The following YJU2 variants were observed in gnomAD, a reference collection of about 807,000 sequenced individuals.
YJU2 encodes the protein YJU2 splicing factor homolog.
YJU2 carries 28 observed loss-of-function variants against 39.6 expected under a neutral mutation model. The ratio of observed to expected loss-of-function variants is 0.71; its 90% CI spans 0.52 to 0.97. The LOEUF (loss-of-function observed/expected upper bound fraction) is 0.97. Ranked by LOEUF, YJU2 falls within the 50% of genes least tolerant of loss-of-function variation. The probability of loss-of-function intolerance (pLI) is 0.00; values close to 1 mark genes in which losing one functional copy is unlikely to be tolerated. For synonymous variants in YJU2, 184 were observed against 182.4 expected (o/e 1.01, Z -0.07); for missense variants, 328 against 430.4 (o/e 0.76, Z 2.11).
intron 6 of YJU2, among the ~76,000 whole-genome samples, chr19:4,264,832 T>A (rs1434271977): frequency 6.6e-6 from 1 of 152,122 alleles, no homozygotes; most frequent in African/African-American, 2.4e-5. Context: ...CTTGCTGTGT[T>A]GCCCAGGCTG....
intron 4 of YJU2, 33 bp downstream of exon 4, chr19:4,254,522 G>A (rs367882752): frequency 1.3e-4 from 201 of 1,543,734 alleles, no homozygotes; most frequent in Non-Finnish European, 1.0e-4. Context: ...GTTCATGGGC[G>A]CTGTGTGTGT....
intron 4 of YJU2, among the ~76,000 whole-genome samples, chr19:4,257,641 T>C (rs973047175): frequency 6.6e-6 from 1 of 152,122 alleles, no homozygotes; most frequent in Non-Finnish European, 1.5e-5. Flanking sequence ...GCCCAGCTAC[T>C]TTTTGTATTT....
intron 2 of YJU2, 93 bp from the exon 3 acceptor site, chr19:4,250,934 G>A (rs1011517872): frequency 1.4e-6 from 2 of 1,436,630 alleles, no homozygotes; most frequent in Non-Finnish European, 1.9e-6. Flanking sequence ...CTGGAGGCAA[G>A]CAAGCAGTGA....
chr19:4,247,577 TGGC>T lies in YJU2; in HGVS notation c.24+409_24+411del, dbSNP rs1568359450. On this transcript the variant is annotated intron_variant, in intron 1 of 7. Coordinates refer to ENST00000262962, the MANE Select transcript of YJU2 (RefSeq NM_018074.6). Reference sequence around the variant, plus strand: ...GTACTTTGGGTGGGGTGGGGTGGGGTGGCGCGTGTGTGTGTGTGTGTGTGTGTG... The same window carrying T: ...GTACTTTGGGTGGGGTGGGGTGGGGTGCGTGTGTGTGTGTGTGTGTGTGTG... Among the ~76,000 whole-genome samples the T allele has an allele frequency of 3.4e-4, 14 of 40,966 alleles. 2 individuals carry two copies. The highest frequency in any genetic ancestry group is 2.7e-3 in the African/African-American group (13 of 4,750). 26.9% of individuals were successfully genotyped at this position (40,966 alleles called of 152,430 possible). A position where few individuals can be genotyped will look rare whatever the true frequency, so the allele number is the denominator to read the frequency against.
chr19:4,262,033 G>A lies in YJU2; in HGVS notation c.627G>A (p.Glu209=). The A allele has an allele frequency of 6.2e-7, 1 of 1,613,334 alleles. No individual in the cohort carries two copies. The highest frequency in any genetic ancestry group is 8.5e-7 in the Non-Finnish European group (1 of 1,179,944). The part of the protein sequence containing the change: ...LEEARKRRLL[E]DSDSEDEAAP... ...AAGCCAGAAAGCGAAGACTGCTGGA[G>A]GACTCCGACTCAGAGGATGAGGCTG... The change falls in exon 6 of 8, where the codon GAG becomes GAA. Residue 209 remains glutamate (E), a synonymous_variant. Transcript: ENST00000262962.
chr19:4,256,905 T>TA (rs1971026287), intron 4 of YJU2, among the ~76,000 whole-genome samples: 1 of 152,192 alleles, frequency 6.6e-6, no homozygotes, highest in South Asian at 2.1e-4. Flanking sequence ...TCTCAGAAGT[T>TA]ACGTGCCATT....
chr19:4,266,016 C>T (rs1441879493), intron 6 of YJU2, among the ~76,000 whole-genome samples: 4 of 149,842 alleles, frequency 2.7e-5, no homozygotes, highest in East Asian at 2.0e-4. Flanking sequence ...TGCAGTGGCA[C>T]GATCTCGGCT....
chr19:4,262,837 G>A (rs1207214737), intron 6 of YJU2, among the ~76,000 whole-genome samples: 1 of 152,092 alleles, frequency 6.6e-6, no homozygotes, highest in Non-Finnish European at 1.5e-5. Flanking sequence ...GAGCCCAGAA[G>A]GTCAAGGCTG....
In YJU2 at chr19:4,249,319, T is replaced by C; in HGVS notation, c.116T>C (p.Phe39Ser). Reference protein sequence around the residue: ...RQYVVRLMAPFNMRCKTCGEY... With the variant: ...RQYVVRLMAPSNMRCKTCGEY... ...TACGTGGTGCGGCTGATGGCCCCCT[T>C]CAACATGAGGTGAGCACCCCCTGCG... Residue 39 changes from phenylalanine (F) to serine (S), a missense_variant, in exon 2 of 8, where the codon TTC becomes TCC. Physicochemically the swap from Phe to Ser is radical, Grantham distance 155. Around this residue, in one of 2 missense-constraint regions of YJU2, gnomAD observed 84 missense variants for 165.8 expected, o/e 0.51. Coordinates refer to ENST00000262962, the MANE Select transcript of YJU2 (RefSeq NM_018074.6). The C allele has an allele frequency of 6.2e-7, 1 of 1,612,198 alleles. No homozygotes were observed. Among genetic ancestry groups the C allele is most frequent in the Non-Finnish European group, 8.5e-7 (1 of 1,178,608 alleles).
intron 5 of YJU2, among the ~76,000 whole-genome samples, chr19:4,259,026 C>T (rs906372061): frequency 2.6e-5 from 4 of 151,768 alleles, no homozygotes; most frequent in South Asian, 4.2e-4. Flanking sequence ...CCTCACCAGC[C>T]GCCTTCTGAG....
At chr19:4,259,083 T>TC (rs1166647874) in intron 5 of YJU2, among the ~76,000 whole-genome samples, 11 of 131,318 alleles carry the variant, frequency 8.4e-5, no homozygotes, top group African/African-American at 2.9e-4. Context: ...TTTTTTTTTT[T>TC]TTTTTTTTTT....
At chr19:4,261,324 C>G (rs1352037159) in intron 5 of YJU2, among the ~76,000 whole-genome samples, 1 of 152,128 alleles carries the variant, frequency 6.6e-6, no homozygotes, top group East Asian at 1.9e-4. Flanking sequence ...AACCCCGCCT[C>G]TACTAAAAAT....
intron 6 of YJU2, among the ~76,000 whole-genome samples, chr19:4,262,942 C>T (rs1971083790): frequency 6.6e-6 from 1 of 151,908 alleles, no homozygotes; most frequent in African/African-American, 2.4e-5. Context: ...AGTGCAGTGG[C>T]TCACGCTTGT....
At chr19:4,247,688 T>C (rs1970941739) in intron 1 of YJU2, among the ~76,000 whole-genome samples, 1 of 140,022 alleles carries the variant, frequency 7.1e-6, no homozygotes, top group African/African-American at 2.6e-5. Flanking sequence ...TGTGTGTGTG[T>C]GTGTGTGTGT....
chr19:4,267,756 C>T lies in YJU2; in HGVS notation c.841C>T (p.Gln281Ter), dbSNP rs1332984831. 7.4e-6 allele frequency: 12 copies of T among 1,612,324 alleles called. No homozygotes were observed. The highest frequency in any genetic ancestry group is 1.7e-5 in the Admixed American group (1 of 59,906). Residue 281 changes from glutamine (Q) to a stop codon, truncating the protein, a stop_gained, in exon 7 of 8, where the codon CAG (glutamine) becomes TAG (stop). Coordinates refer to ENST00000262962, the MANE Select transcript of YJU2 (RefSeq NM_018074.6). LOFTEE classifies it low-confidence loss of function (END_TRUNC). ...CCCGGACTGCAGCAACGGGCAGCCT[C>T]AGGCGGCCCCCACCCCAGGTAAGGT... ...ADPDCSNGQP[Q>*]AAPTPGAPQN...
At chr19:4,248,266 T>C (rs1228938909) in intron 1 of YJU2, 1 of 152,232 alleles carries the variant, frequency 6.6e-6, no homozygotes, top group Non-Finnish European at 1.5e-5. Flanking sequence ...GTATGGATTA[T>C]GACAGATACC....
intron 5 of YJU2, among the ~76,000 whole-genome samples, chr19:4,261,565 G>A (rs1197471746): frequency 6.6e-6 from 1 of 152,086 alleles, no homozygotes; most frequent in Non-Finnish European, 1.5e-5. Flanking sequence ...GGAAGCTGAG[G>A]CAGGAGAATC....
At chr19:4,247,310 T>G in intron 1 of YJU2, 140 bp downstream of exon 1, 1 of 674,910 alleles carries the variant, frequency 1.5e-6, no homozygotes, top group Non-Finnish European at 2.5e-6. Context: ...CCCAGACTCC[T>G]CCCTAGACTC....
intron 2 of YJU2, 102 bp downstream of exon 2, chr19:4,249,430 G>C: frequency 1.4e-6 from 1 of 706,118 alleles, no homozygotes; most frequent in South Asian, 1.8e-5. Flanking sequence ...CAGATCACTG[G>C]TCTTAGACAT....
Sources: allele counts gnomAD v4.1 joint callset (sites outside exome capture counted in the v4.1 genomes callset), GRCh38; gene constraint gnomAD v4.1.1; regional missense constraint gnomAD v4.1.1; transcripts MANE v1.5; gene names NCBI Gene and HGNC (gene_info 2026-07-23, HGNC 2026-07-21).